FANCA: variants seen among roughly 807,000 people sequenced by gnomAD.
FANCA encodes FA complementation group A.
In FANCA, 236 loss-of-function variants were observed where a neutral mutation model predicts 194.3. The ratio of observed to expected loss-of-function variants is 1.21; its 90% CI spans 1.09 to 1.35. The LOEUF is 1.35. Among genes scored for constraint, FANCA ranks in the 40% most tolerant of loss-of-function variants. The pLI, the probability that FANCA is intolerant of heterozygous loss-of-function variation, is 0.00. For synonymous variants in FANCA, 1,014 were observed against 715.8 expected (o/e 1.42, Z -6.65); for missense variants, 2,628 against 1,813.9 (o/e 1.45, Z -8.15).
chr16:89,792,152 G>A (rs1309359314), intron 12 of FANCA, 84 bp from the exon 13 acceptor site: 19 of 1,509,244 alleles, frequency 1.3e-5, no homozygotes, highest in Middle Eastern at 1.7e-4. Flanking sequence ...CCAGCCGGTG[G>A]CCACCGCAGC....
rs767455904 is a variant in FANCA, at chr16:89,769,958, T to G, written c.2383A>C (p.Arg795=). 2 of 1,614,022 alleles carry G rather than the reference T, an allele frequency of 1.2e-6. No homozygotes were observed. Among genetic ancestry groups the G allele is most frequent in the Non-Finnish European group, 8.5e-7 (1 of 1,180,008 alleles). The change falls in exon 26 of 43, where the codon AGG becomes CGG. Residue 795 remains arginine (R), a synonymous_variant. Coordinates refer to ENST00000389301, the MANE Select transcript of FANCA (RefSeq NM_000135.4). The part of the protein sequence containing the change: ...AALAVHLGES[R]SALPEVDVGP... ...ACATCCACCTCTGGGAGCGCAGACC[T>G]GGACTCACCCAGGTGCACGGCCAGG...
chr16:89,774,464 C>A (rs915360373), intron 21 of FANCA, among the ~76,000 whole-genome samples: 1 of 152,098 alleles, frequency 6.6e-6, no homozygotes, highest in Admixed American at 6.5e-5. Flanking sequence ...GGCATGGGGG[C>A]TCCCACCTGT....
intron 17 of FANCA, 34 bp downstream of exon 17, chr16:89,782,825 T>G (rs1387563130): frequency 6.3e-7 from 1 of 1,594,128 alleles, no homozygotes; most frequent in African/African-American, 1.3e-5. Context: ...TGGGCGTGAC[T>G]GGCTGAGACC....
At chr16:89,780,957 C>T (rs1405438731) in intron 17 of FANCA, among the ~76,000 whole-genome samples, 1 of 150,696 alleles carries the variant, frequency 6.6e-6, no homozygotes. Flanking sequence ...AATTTATAAA[C>T]AGCAATAAAT....
At chr16:89,759,221 G>A (rs1340731329) in intron 29 of FANCA, among the ~76,000 whole-genome samples, 1 of 150,296 alleles carries the variant, frequency 6.7e-6, no homozygotes, top group African/African-American at 2.4e-5. Flanking sequence ...TCAGGAGGCT[G>A]AGGCAGGAGA....
rs551173588 is a variant in FANCA, at chr16:89,738,383, G to C, written c.*218C>G. 17 of 1,410,580 alleles carry C rather than the reference G, an allele frequency of 1.2e-5. No individual in the cohort carries two copies. Among genetic ancestry groups the C allele is most frequent in the Non-Finnish European group, 1.6e-5 (17 of 1,053,246 alleles). The allele number at this position is 1,410,580 out of a possible 1,614,324, so 87.4% of individuals were successfully genotyped here. On this transcript the variant is annotated 3_prime_UTR_variant, in exon 43 of 43. Coordinates refer to ENST00000389301, the MANE Select transcript of FANCA (RefSeq NM_000135.4). Reference sequence around the variant, plus strand: ...GGTGCTGGAGGCGGGCTTGGTGTCCGGCTCAAGTAGCCTTCCTCTGCTCTG... The same window carrying C: ...GGTGCTGGAGGCGGGCTTGGTGTCCCGCTCAAGTAGCCTTCCTCTGCTCTG...
rs143570168 is a variant in FANCA at position 89,810,954 on chromosome 16, G to A, written c.401C>T (p.Pro134Leu). ...TCTCTGCTCCACAGTCAGCAGCACA[G>A]GGTGACTGGTCTCCGCTGGAGCCGT... is the stretch of plus-strand genomic sequence containing the variant. ...ICTAPAETSHPVLLTVEQRKK... is the reference protein window; with the variant it reads ...ICTAPAETSHLVLLTVEQRKK... The change falls in exon 4 of 43, where the codon CCT becomes CTT. Residue 134 changes from proline (P) to leucine (L), a missense_variant. Physicochemically the swap from Pro to Leu is moderately conservative, Grantham distance 98. Coordinates refer to ENST00000389301, the MANE Select transcript of FANCA (RefSeq NM_000135.4). 12 of 1,614,130 alleles carry A rather than the reference G, an allele frequency of 7.4e-6. No homozygotes were observed. The African/African-American group carries it at 1.6e-4, about 22-fold the overall frequency.
intron 6 of FANCA, among the ~76,000 whole-genome samples, chr16:89,805,936 C>G (rs1246773724): frequency 1.3e-5 from 2 of 150,660 alleles, no homozygotes; most frequent in Non-Finnish European, 3.0e-5. Context: ...TCTCTTGAAA[C>G]AGTTTTGCTC....
rs759940726 is a variant in FANCA at position 89,779,905 on chromosome 16, T to C, written c.1679A>G (p.His560Arg). The C allele has an allele frequency of 6.2e-7, 1 of 1,614,146 alleles. No individual in the cohort carries two copies. The highest frequency in any genetic ancestry group is 1.1e-5 in the South Asian group (1 of 91,078). Residue 560 changes from histidine to arginine, a missense_variant, in exon 18 of 43, where the codon CAT becomes CGT. His to Arg is a conservative substitution (Grantham distance 29). Coordinates refer to ENST00000389301, the MANE Select transcript of FANCA (RefSeq NM_000135.4). ...GACGGTGACTGGGATGTTCCCCGTATGCTCAAACACCATGATGGCCTTTTC... is the reference window on the plus strand; with the variant it reads ...GACGGTGACTGGGATGTTCCCCGTACGCTCAAACACCATGATGGCCTTTTC... ...DVEKAIMVFE[H>R]TGNIPVTVME...
chr16:89,782,820 G>T, intron 17 of FANCA, 39 bp downstream of exon 17: 1 of 1,568,208 alleles, frequency 6.4e-7, no homozygotes, highest in Non-Finnish European at 8.8e-7. Context: ...CATGGTGGGC[G>T]TGACTGGCTG....
intron 29 of FANCA, among the ~76,000 whole-genome samples, chr16:89,759,965 G>T (rs3819572): frequency 0.057 from 8,565 of 150,576 alleles, 371 homozygotes; most frequent in East Asian, 0.21. Context: ...GTGCGGGACC[G>T]GGGTGCTCCA....
rs1180493781 is a variant in FANCA at position 89,791,949 on chromosome 16, T to C, written c.1203A>G (p.Pro401=). Residue 401 remains proline, a synonymous_variant, in exon 13 of 43, where the codon CCA becomes CCG. Transcript: ENST00000389301. ...SFVSALVVCF[P]EAQQLLEDWV... ...CACCTTCAAGCAGCTGCTGCGCTTC[T>C]GGAAAGCAGACAACCAGGGCAGACA... 8 of 1,614,144 alleles carry C rather than the reference T, an allele frequency of 5.0e-6. No homozygotes were observed. Among genetic ancestry groups the C allele is most frequent in the African/African-American group, 2.7e-5 (2 of 75,034 alleles).
intron 30 of FANCA, among the ~76,000 whole-genome samples, chr16:89,755,212 ATT>A (rs142867944): frequency 0.062 from 8,948 of 143,708 alleles, 398 homozygotes; most frequent in East Asian, 0.22. Flanking sequence ...TCACACAACA[ATT>A]TTTTTTTTTT....
chr16:89,744,881 G>T, intron 36 of FANCA, 78 bp downstream of exon 36: 3 of 1,315,532 alleles, frequency 2.3e-6, no homozygotes, highest in South Asian at 1.2e-5. Flanking sequence ...AAGCAAGCCA[G>T]GGTGTTTAGG....
chr16:89,799,243 A>G lies in FANCA; in HGVS notation c.827-11T>C. On this transcript the variant is annotated splice_polypyrimidine_tract_variant and intron_variant, in intron 9 of 42. Transcript: ENST00000389301. ...AAGCGTCAAGTGCAACTGAAGACAG[A>G]GCCAGGAACAGAAAACAGATGTCAG... is the stretch of plus-strand genomic sequence containing the variant. 6.2e-7 allele frequency: 1 copy of G among 1,613,918 alleles called. No homozygotes were observed. The highest frequency in any genetic ancestry group is 1.7e-4 in the Middle Eastern group (1 of 6,042).
chr16:89,758,798 C>T (rs2038848095), intron 29 of FANCA, 93 bp from the exon 30 acceptor site: 2 of 1,579,606 alleles, frequency 1.3e-6, no homozygotes. Flanking sequence ...AAGGGACACA[C>T]AGCACTAGTG....
Position 89,801,641 on chromosome 16 carries a change from G to A in FANCA, c.792+1618C>T, listed in dbSNP as rs201582533. Among the ~76,000 whole-genome samples, 12 of 152,228 alleles carry A rather than the reference G, an allele frequency of 7.9e-5. No individual in the cohort carries two copies. In the East Asian group the frequency reaches 1.9e-3, roughly 25 times the overall value. On this transcript the variant is annotated intron_variant, in intron 8 of 42. Transcript: ENST00000389301. The stretch of plus-strand genomic sequence containing the variant: ...ATGGTGGATCACATCTGTAATCCCA[G>A]CACTTCAGGAGGCCAAGGCAGGCAG...
chr16:89,815,781 C>T, intron 2 of FANCA, 96 bp downstream of exon 2: 1 of 1,045,550 alleles, frequency 9.6e-7, no homozygotes, highest in Non-Finnish European at 1.5e-6. Context: ...ACCGCGCCCG[C>T]CGCCTCGGGT....
chr16:89,782,562 G>A (rs903879055), intron 17 of FANCA, among the ~76,000 whole-genome samples: 4 of 150,850 alleles, frequency 2.7e-5, no homozygotes, highest in South Asian at 2.1e-4. Flanking sequence ...AAAACATGAC[G>A]AACCACCTCT....
Sources: allele counts gnomAD v4.1 joint callset (sites outside exome capture counted in the v4.1 genomes callset), GRCh38; gene constraint gnomAD v4.1.1; transcripts MANE v1.5; gene names NCBI Gene and HGNC (gene_info 2026-07-23, HGNC 2026-07-21).